Variants in RBFOX1 observed in about 807,000 individuals in gnomAD.
RBFOX1 encodes RNA binding protein fox-1 homolog 1.
A neutral mutation model predicts 57.7 loss-of-function variants in RBFOX1; 8 were observed. The observed-to-expected ratio is 0.14, with a 90% confidence interval of 0.08 to 0.25. RBFOX1 has a LOEUF of 0.25. Among genes scored for constraint, RBFOX1 ranks in the 10% least tolerant of loss-of-function variants. The pLI, the probability that RBFOX1 is intolerant of heterozygous loss-of-function variation, is 1.00. For synonymous variants in RBFOX1, 326 were observed against 222.4 expected, an observed-to-expected ratio of 1.47 and a Z score of -4.15; for missense variants, 611 against 548.5, an observed-to-expected ratio of 1.11 and a Z score of -1.14.
At chr16:6,444,808 T>C (rs899745772) in intron 2 of RBFOX1, among the ~76,000 whole-genome samples, 9 of 152,000 alleles carry the variant, frequency 5.9e-5, no homozygotes, top group Admixed American at 5.2e-4. Context: ...TGTTAGTGGG[T>C]AAAATGCAGA....
chr16:6,188,166 T>A (rs965883817), intron 1 of RBFOX1, among the ~76,000 whole-genome samples: 2 of 152,180 alleles, frequency 1.3e-5, no homozygotes, highest in African/African-American at 4.8e-5. Flanking sequence ...TATGCTCAGT[T>A]GGATAAAAAA....
intron 2 of RBFOX1, among the ~76,000 whole-genome samples, chr16:5,471,538 G>A (rs1325997309): frequency 6.6e-6 from 1 of 152,098 alleles, no homozygotes; most frequent in African/African-American, 2.4e-5. Context: ...AGAAGAAAAT[G>A]ATAAAAGGTG....
At chr16:7,143,166 A>G (rs907065823) in intron 4 of RBFOX1, among the ~76,000 whole-genome samples, 3 of 152,106 alleles carry the variant, frequency 2.0e-5, no homozygotes, top group African/African-American at 7.2e-5. Flanking sequence ...TTTTTGGTGT[A>G]AGTGAGCATA....
intron 3 of RBFOX1, among the ~76,000 whole-genome samples, chr16:5,722,934 G>A (rs1410208241): frequency 2.6e-5 from 4 of 151,998 alleles, no homozygotes; most frequent in African/African-American, 7.3e-5. Context: ...TTTAATGATC[G>A]GTTTGGTGTT....
intron 4 of RBFOX1, among the ~76,000 whole-genome samples, chr16:7,061,474 T>C (rs575744558): frequency 6.6e-6 from 1 of 152,304 alleles, no homozygotes; most frequent in Non-Finnish European, 1.5e-5. Context: ...GGTGTCCACT[T>C]TTCTTCATTT....
chr16:6,802,104 G>C (rs1450636007), intron 3 of RBFOX1, among the ~76,000 whole-genome samples: 1 of 152,056 alleles, frequency 6.6e-6, no homozygotes, highest in African/African-American at 2.4e-5. Flanking sequence ...AACAAGTCCT[G>C]TTAAGAAATC....
At chr16:5,469,021 A>G (rs1354222448) in intron 2 of RBFOX1, among the ~76,000 whole-genome samples, 1 of 152,048 alleles carries the variant, frequency 6.6e-6, no homozygotes, top group Non-Finnish European at 1.5e-5. Flanking sequence ...ACCCTGAACC[A>G]CTCTGCTTTC....
chr16:5,588,710 C>T (rs1454487223), intron 2 of RBFOX1, among the ~76,000 whole-genome samples: 2 of 152,138 alleles, frequency 1.3e-5, no homozygotes, highest in Non-Finnish European at 2.9e-5. Flanking sequence ...CACTTTATAT[C>T]CAACAATGAT....
At chr16:6,105,494 G>T (rs2096367368) in intron 1 of RBFOX1, among the ~76,000 whole-genome samples, 1 of 152,070 alleles carries the variant, frequency 6.6e-6, no homozygotes, top group South Asian at 2.1e-4. Flanking sequence ...ATTCTAGAAA[G>T]AGGCATGCTG....
intron 3 of RBFOX1, among the ~76,000 whole-genome samples, chr16:5,763,093 T>G (rs2053644119): frequency 6.6e-6 from 1 of 152,096 alleles, no homozygotes; most frequent in African/African-American, 2.4e-5. Context: ...GGGTGGGTGG[T>G]TGGAAATCAA....
At chr16:6,637,450 G>C (rs191385133) in intron 2 of RBFOX1, among the ~76,000 whole-genome samples, 1 of 21,186 alleles carries the variant, frequency 4.7e-5, no homozygotes, top group African/African-American at 1.2e-4. Context: ...ATATGTAAAT[G>C]TATATAATAT....
chr16:5,797,983 A>T (rs1567555319), intron 3 of RBFOX1, among the ~76,000 whole-genome samples: 1 of 152,182 alleles, frequency 6.6e-6, no homozygotes, highest in Non-Finnish European at 1.5e-5. Context: ...TTCAAACAGT[A>T]TTTGTATGCA....
At chr16:6,824,342 G>T (rs1248149282) in intron 3 of RBFOX1, among the ~76,000 whole-genome samples, 1 of 152,178 alleles carries the variant, frequency 6.6e-6, no homozygotes, top group East Asian at 1.9e-4. Flanking sequence ...AGAGGCACAG[G>T]TTGCATTGAG....
chr16:7,067,688 C>T (rs1050887795), intron 4 of RBFOX1, among the ~76,000 whole-genome samples: 1 of 118,118 alleles, frequency 8.5e-6, no homozygotes, highest in East Asian at 3.3e-4. Context: ...CTCCCCCGTC[C>T]CCCCACCCCA....
At chr16:6,637,338 CA>C (rs1455328447) in intron 2 of RBFOX1, among the ~76,000 whole-genome samples, 3 of 73,646 alleles carry the variant, frequency 4.1e-5, no homozygotes, top group African/African-American at 2.2e-4. Context: ...ATATAATATA[CA>C]AATATATATT....
chr16:7,193,960 T>C (rs1336177844), intron 4 of RBFOX1, among the ~76,000 whole-genome samples: 4 of 152,208 alleles, frequency 2.6e-5, no homozygotes, highest in Non-Finnish European at 5.9e-5. Flanking sequence ...CTATCTTTTT[T>C]TTTTTTAAGG....
intron 4 of RBFOX1, among the ~76,000 whole-genome samples, chr16:7,184,107 G>A (rs1016553881): frequency 1.3e-5 from 2 of 152,202 alleles, no homozygotes; most frequent in African/African-American, 4.8e-5. Flanking sequence ...GCACAAAGAT[G>A]TGTGTAAAAT....
intron 3 of RBFOX1, among the ~76,000 whole-genome samples, chr16:6,852,117 T>C (rs564240375): frequency 5.1e-4 from 78 of 152,024 alleles, no homozygotes; most frequent in Non-Finnish European, 7.4e-4. Context: ...TAAAATGATA[T>C]AAATTTATTA....
chr16:6,603,236 A>C (rs2097878164), intron 2 of RBFOX1, among the ~76,000 whole-genome samples: 1 of 152,194 alleles, frequency 6.6e-6, no homozygotes, highest in African/African-American at 2.4e-5. Flanking sequence ...TATATGGCAG[A>C]ACTCAGTCAT....
Sources: allele counts gnomAD v4.1 joint callset (sites outside exome capture counted in the v4.1 genomes callset), GRCh38; gene constraint gnomAD v4.1.1; transcripts MANE v1.5; gene names NCBI Gene and HGNC (gene_info 2026-07-23, HGNC 2026-07-21).